SPTAN1: variants seen among roughly 807,000 people sequenced by gnomAD.
The protein encoded by SPTAN1 is spectrin alpha, non-erythrocytic 1.
Under a neutral mutation model 331.3 loss-of-function variants are expected in SPTAN1, and 61 were observed. That is an observed-to-expected ratio of 0.18 (90% CI 0.15 to 0.23). The LOEUF (loss-of-function observed/expected upper bound fraction) is 0.23, where lower values mean the gene tolerates loss of function less well. Ranked by LOEUF, SPTAN1 falls within the 10% of genes least tolerant of loss-of-function variation. SPTAN1 has a pLI of 1.00. For missense variants in SPTAN1, 2,043 were observed against 3,147.9 expected, an observed-to-expected ratio of 0.65 and a Z score of 8.40; for synonymous variants, 1,153 against 1,173.9, an observed-to-expected ratio of 0.98 and a Z score of 0.36.
chr9:128,552,903 G>GC lies in SPTAN1; in HGVS notation c.-4+209dup, dbSNP rs1232894856. ...GCGTGGGCTGCGGAGGAGCAGCCGG[G>GC]CCGAGGCTCGGCGCCGCCGCTGGAA... On this transcript the variant is annotated intron_variant, in intron 1 of 56. Transcript: ENST00000372739. The surrounding 1 kb of genome is among the most constrained non-coding windows in gnomAD (Gnocchi z 4.6). 1 of 152,288 alleles carries GC rather than the reference G, an allele frequency of 6.6e-6. No homozygotes were observed. Among genetic ancestry groups the GC allele is most frequent in the Non-Finnish European group, 1.5e-5 (1 of 68,108 alleles). The allele number at this position is 152,288 out of a possible 1,614,324, so 9.4% of individuals were successfully genotyped here. A position where few individuals can be genotyped will look rare whatever the true frequency, so the allele number is the denominator to read the frequency against.
chr9:128,566,673 G>T (rs1850073862), intron 1 of SPTAN1, 65 bp from the exon 2 acceptor site: 1 of 1,609,240 alleles, frequency 6.2e-7, no homozygotes, highest in Non-Finnish European at 8.5e-7. Flanking sequence ...CTTCAGAGAG[G>T]CTAATTACTT....
rs1016591470 is a variant in SPTAN1, at chr9:128,629,464, A to T, written c.6708-857A>T. The stretch of plus-strand genomic sequence containing the variant: ...CACTTTGAACCTGGGGAGATTGCAG[A>T]GCTAACCCTGGCTCGCCGGGTTTTA... On this transcript the variant is annotated intron_variant, in intron 51 of 56. Coordinates refer to ENST00000372739, the MANE Select transcript of SPTAN1 (RefSeq NM_001130438.3). This position sits in a 1 kb window ranked among gnomAD's most constrained non-coding sequence, Gnocchi z 4.9. Among the ~76,000 whole-genome samples the T allele has an allele frequency of 1.3e-5, 2 of 152,080 alleles. No homozygotes were observed. The highest frequency in any genetic ancestry group is 4.8e-5 in the African/African-American group (2 of 41,418).
In SPTAN1 at chr9:128,578,224, A is replaced by G. The variant is rs931502378; in HGVS notation, c.1200A>G (p.Leu400=). 1.2e-6 allele frequency: 2 copies of G among 1,614,072 alleles called. No homozygotes were observed. The highest frequency in any genetic ancestry group is 2.2e-5 in the East Asian group (1 of 44,892). Residue 400 remains leucine, a synonymous_variant, in exon 9 of 57, where the codon CTA becomes CTG. Transcript: ENST00000372739. The part of the protein sequence containing the change: ...ASDVAGAEAL[L]DRHQEHKGEI... ...ATGTGGCTGGGGCTGAAGCCCTGCT[A>G]GATAGACACCAAGAGCACAAGGTAA...
chr9:128,633,249 T>C lies in SPTAN1; in HGVS notation c.7349T>C (p.Met2450Thr). The C allele has an allele frequency of 1.2e-6, 2 of 1,614,040 alleles. No homozygotes were observed. The highest frequency in any genetic ancestry group is 1.7e-6 in the Non-Finnish European group (2 of 1,180,002). Residue 2450 changes from methionine to threonine, a missense_variant, in exon 57 of 57, where the codon ATG (methionine) becomes ACG (threonine). By Grantham distance (81) the Met-to-Thr change is moderately conservative. Around this residue, in one of 12 missense-constraint regions of SPTAN1, gnomAD observed 88 missense variants for 96.5 expected, o/e 0.91. Transcript: ENST00000372739. ...REQADYCVSH[M>T]KPYVDGKGRE... The stretch of plus-strand genomic sequence containing the variant: ...CAAGCCGACTACTGCGTCTCCCACA[T>C]GAAGCCCTACGTGGACGGCAAGGGC...
At chr9:128,573,186 G>A (rs895655329) in intron 3 of SPTAN1, among the ~76,000 whole-genome samples, 1 of 152,208 alleles carries the variant, frequency 6.6e-6, no homozygotes, top group Non-Finnish European at 1.5e-5. Context: ...AGGCATTGAG[G>A]TTGGATTGGA....
At chr9:128,614,337 A>G (rs1377020515) in intron 40 of SPTAN1, among the ~76,000 whole-genome samples, 1 of 152,156 alleles carries the variant, frequency 6.6e-6, no homozygotes, top group Non-Finnish European at 1.5e-5. Flanking sequence ...CATGCCTGTA[A>G]TCGTAGCACT....
chr9:128,626,061 C>A, intron 48 of SPTAN1, 83 bp downstream of exon 48: 1 of 1,527,290 alleles, frequency 6.5e-7, no homozygotes, highest in South Asian at 1.1e-5. Flanking sequence ...CTCTGCCACT[C>A]CCCCTTGAGG....
chr9:128,578,203 G>A lies in SPTAN1; in HGVS notation c.1179G>A (p.Val393=). Residue 393 remains valine (V), a synonymous_variant, in exon 9 of 57, where the codon GTG becomes GTA. Transcript: ENST00000372739. The stretch of plus-strand genomic sequence containing the variant: ...ATGCAGATGAGCTTGCCAGTGATGT[G>A]GCTGGGGCTGAAGCCCTGCTAGATA... ...LINADELASD[V]AGAEALLDRH... 1 of 1,614,190 alleles carries A rather than the reference G, an allele frequency of 6.2e-7. No individual in the cohort carries two copies. Among genetic ancestry groups the A allele is most frequent in the Non-Finnish European group, 8.5e-7 (1 of 1,180,044 alleles).
chr9:128,576,303 C>T (rs1589184376), intron 5 of SPTAN1, among the ~76,000 whole-genome samples: 3 of 152,140 alleles, frequency 2.0e-5, no homozygotes, highest in African/African-American at 7.2e-5. Context: ...CTACTCTACT[C>T]AGACTCAGGC....
chr9:128,633,261 T>C lies in SPTAN1; in HGVS notation c.7361T>C (p.Val2454Ala). ...TGCGTCTCCCACATGAAGCCCTACGTGGACGGCAAGGGCCGCGAGCTCCCC... is the reference window on the plus strand; with the variant it reads ...TGCGTCTCCCACATGAAGCCCTACGCGGACGGCAAGGGCCGCGAGCTCCCC... The part of the protein sequence containing the change: ...DYCVSHMKPY[V>A]DGKGRELPTA... The change falls in exon 57 of 57, where the codon GTG (valine) becomes GCG (alanine). Residue 2454 changes from valine to alanine, a missense_variant. By Grantham distance (64) the Val-to-Ala change is moderately conservative (BLOSUM62 0). Around this residue, in one of 12 missense-constraint regions of SPTAN1, gnomAD observed 88 missense variants for 96.5 expected, o/e 0.91. Coordinates refer to ENST00000372739, the MANE Select transcript of SPTAN1 (RefSeq NM_001130438.3). The C allele has an allele frequency of 6.2e-7, 1 of 1,614,080 alleles. No individual in the cohort carries two copies.
Position 128,597,496 on chromosome 9 carries a change from C to T in SPTAN1, c.3415-904C>T, listed in dbSNP as rs764704129. 4.5e-4 allele frequency among the ~76,000 whole-genome samples: 69 copies of T among 152,096 alleles called. 1 individual carries two copies. The highest frequency in any genetic ancestry group is 2.1e-4 in the South Asian group (1 of 4,822). On this transcript the variant is annotated intron_variant, in intron 24 of 56. Coordinates refer to ENST00000372739, the MANE Select transcript of SPTAN1 (RefSeq NM_001130438.3). Reference sequence around the variant, plus strand: ...CCATGATTGTAATACTCCACTCCAGCGTGGGTGACAGTGAGACCCCGTCTC... The same window carrying T: ...CCATGATTGTAATACTCCACTCCAGTGTGGGTGACAGTGAGACCCCGTCTC...
At position 128,566,763 on chromosome 9, in the gene SPTAN1, T is replaced by C; in HGVS notation, c.23T>C (p.Val8Ala). Residue 8 changes from valine to alanine, a missense_variant, in exon 2 of 57, where the codon GTG becomes GCG. Transcript: ENST00000372739. MDPSGVKVLETAEDIQER... is the reference protein window; with the variant it reads MDPSGVKALETAEDIQER... ...AAAATGGACCCAAGTGGGGTCAAAG[T>C]GCTGGAAACAGCAGAGGACATCCAG... The C allele has an allele frequency of 6.2e-7, 1 of 1,614,194 alleles. No individual in the cohort carries two copies. The highest frequency in any genetic ancestry group is 8.5e-7 in the Non-Finnish European group (1 of 1,180,050).
At position 128,633,320 on chromosome 9, in the gene SPTAN1, C is replaced by A. The variant is rs926397326; in HGVS notation, c.7420C>A (p.Leu2474Ile). 1.9e-6 allele frequency: 3 copies of A among 1,613,830 alleles called. No homozygotes were observed. Among genetic ancestry groups the A allele is most frequent in the Non-Finnish European group, 2.5e-6 (3 of 1,180,048 alleles). Residue 2474 changes from leucine to isoleucine, a missense_variant, in exon 57 of 57, where the codon CTT becomes ATT. Transcript: ENST00000372739. ...AFDYVEFTRS[L>I]FVN Reference sequence around the variant, plus strand: ...CGACTACGTGGAGTTCACCCGCTCGCTTTTCGTGAACTGAGCCACTCCCTG... The same window carrying A: ...CGACTACGTGGAGTTCACCCGCTCGATTTTCGTGAACTGAGCCACTCCCTG...
intron 1 of SPTAN1, among the ~76,000 whole-genome samples, chr9:128,560,034 C>T (rs1216508832): frequency 2.0e-5 from 3 of 148,882 alleles, no homozygotes; most frequent in Non-Finnish European, 4.4e-5. Context: ...CCTGCCTGGC[C>T]GATAATTTTG....
In SPTAN1 at chr9:128,625,837, T is replaced by C; in HGVS notation, c.6138T>C (p.Asp2046=). 6.2e-7 allele frequency: 1 copy of C among 1,614,114 alleles called. No individual in the cohort carries two copies. Among genetic ancestry groups the C allele is most frequent in the Non-Finnish European group, 8.5e-7 (1 of 1,180,016 alleles). The part of the protein sequence containing the change: ...EGIANITALK[D]QLLAAKHVQS... ...TTGCCAACATCACTGCCCTCAAAGA[T>C]CAGCTTCTCGCCGCCAAACACGTTC... is the stretch of plus-strand genomic sequence containing the variant. Residue 2046 remains aspartate (D), a synonymous_variant, in exon 48 of 57, where the codon GAT becomes GAC. Coordinates refer to ENST00000372739, the MANE Select transcript of SPTAN1 (RefSeq NM_001130438.3). This position sits in a 1 kb window ranked among gnomAD's most constrained non-coding sequence, Gnocchi z 4.1.
chr9:128,621,752 G>C (rs549003751), intron 45 of SPTAN1: 4 of 182,500 alleles, frequency 2.2e-5, no homozygotes, highest in African/African-American at 7.1e-5. Context: ...AAACCTCGAG[G>C]CTGTACAGGG....
intron 31 of SPTAN1, among the ~76,000 whole-genome samples, chr9:128,606,374 C>CAAAAAAAAAA (rs59257779): frequency 1.4e-3 from 83 of 58,652 alleles, no homozygotes; most frequent in Middle Eastern, 0.021. Flanking sequence ...GACTCTGCCT[C>CAAAAAAAAAA]AAAAAAAAAA....
intron 5 of SPTAN1, among the ~76,000 whole-genome samples, chr9:128,575,913 CAG>C (rs1851256769): frequency 6.6e-6 from 1 of 152,120 alleles, no homozygotes; most frequent in Admixed American, 6.5e-5. Flanking sequence ...TACTCGGAAC[CAG>C]AGAGTTTTTA....
At chr9:128,581,747 G>T (rs763815198) in intron 11 of SPTAN1, 35 bp from the exon 12 acceptor site, 2 of 1,514,198 alleles carry the variant, frequency 1.3e-6, no homozygotes, top group African/African-American at 2.7e-5. Context: ...AAAGGAATAG[G>T]ACATTATTCT....
Sources: allele counts gnomAD v4.1 joint callset (sites outside exome capture counted in the v4.1 genomes callset), GRCh38; gene constraint gnomAD v4.1.1; regional missense constraint gnomAD v4.1.1; non-coding constraint Gnocchi (gnomAD v3.1); transcripts MANE v1.5; gene names NCBI Gene and HGNC (gene_info 2026-07-23, HGNC 2026-07-21).